Variants in COL4A6 observed in about 807,000 individuals in gnomAD.
The protein encoded by COL4A6 is collagen type IV alpha 6 chain.
A neutral mutation model predicts 126.7 loss-of-function variants in COL4A6; 59 were observed. That is an observed-to-expected ratio of 0.47 (90% CI 0.38 to 0.58). The LOEUF (loss-of-function observed/expected upper bound fraction) is 0.58, where lower values mean the gene tolerates loss of function less well. Ranked by LOEUF, COL4A6 falls within the 20% of genes least tolerant of loss-of-function variation. COL4A6 has a pLI of 0.00. For missense variants in COL4A6, 1,285 were observed against 1,337.3 expected, an observed-to-expected ratio of 0.96 and a Z score of 0.61; for synonymous variants, 547 against 496.6, an observed-to-expected ratio of 1.10 and a Z score of -1.35.
intron 44 of COL4A6, among the ~76,000 whole-genome samples, chrX:108,159,106 C>T (rs2033833691): frequency 9.0e-6 from 1 of 111,332 alleles, no homozygotes; most frequent in African/African-American, 3.3e-5. Flanking sequence ...GAAACTGTGT[C>T]CTGGCCCCAA....
chrX:108,279,571 T>G (rs1173836255), intron 3 of COL4A6, among the ~76,000 whole-genome samples: 1 of 111,420 alleles, frequency 9.0e-6, no homozygotes, highest in Non-Finnish European at 1.9e-5. Context: ...ACTGTCAACA[T>G]TAGACAGATC....
intron 2 of COL4A6, among the ~76,000 whole-genome samples, chrX:108,426,079 A>T (rs1423661355): frequency 9.0e-6 from 1 of 111,653 alleles, no homozygotes; most frequent in African/African-American, 3.3e-5. Context: ...AAAAGACAAT[A>T]TAAATCTCAT....
chrX:108,278,896 T>C (rs2037707664), intron 3 of COL4A6, among the ~76,000 whole-genome samples: 1 of 110,928 alleles, frequency 9.0e-6, no homozygotes, highest in Non-Finnish European at 1.9e-5. Flanking sequence ...CAAACTAAGC[T>C]TCATAAGTGA....
chrX:108,293,929 G>A (rs965203073), intron 3 of COL4A6, among the ~76,000 whole-genome samples: 6 of 112,246 alleles, frequency 5.3e-5, no homozygotes, highest in Non-Finnish European at 9.4e-5. Flanking sequence ...ATCAAAACTC[G>A]CCTTGTGGGC....
intron 4 of COL4A6, among the ~76,000 whole-genome samples, chrX:108,220,286 C>T (rs1450565003): frequency 8.9e-6 from 1 of 112,100 alleles, no homozygotes; most frequent in Non-Finnish European, 1.9e-5. Flanking sequence ...AACTCTGTTC[C>T]CAAGTGCTAT....
chrX:108,200,696 T>C (rs967621859), intron 13 of COL4A6, among the ~76,000 whole-genome samples: 18 of 110,378 alleles, frequency 1.6e-4, no homozygotes, highest in African/African-American at 5.6e-4. Flanking sequence ...GATAGTGGAG[T>C]AGGGTGACTA....
intron 3 of COL4A6, among the ~76,000 whole-genome samples, chrX:108,252,405 CTA>C (rs1375299776): frequency 9.0e-6 from 1 of 111,493 alleles, no homozygotes; most frequent in African/African-American, 3.3e-5. Context: ...TAGATTGATT[CTA>C]TATGTCGGGT....
At chrX:108,177,578 G>A (rs143065090) in intron 27 of COL4A6, among the ~76,000 whole-genome samples, 129 of 112,041 alleles carry the variant, frequency 1.2e-3, no homozygotes, top group Non-Finnish European at 2.0e-3. Flanking sequence ...AACCCACAAG[G>A]CCCATTTGGT....
intron 2 of COL4A6, among the ~76,000 whole-genome samples, chrX:108,317,727 C>G (rs1404523484): frequency 1.8e-5 from 2 of 108,841 alleles, no homozygotes; most frequent in Admixed American, 9.9e-5. Flanking sequence ...TGTCAAAGAT[C>G]AGATAGTTGT....
intron 7 of COL4A6, among the ~76,000 whole-genome samples, chrX:108,210,297 A>G (rs1294420045): frequency 8.9e-6 from 1 of 112,259 alleles, no homozygotes; most frequent in African/African-American, 3.2e-5. Context: ...GTACTTATCA[A>G]TTAGAAACTA....
chrX:108,287,277 A>G (rs1041090296), intron 3 of COL4A6, among the ~76,000 whole-genome samples: 2 of 111,750 alleles, frequency 1.8e-5, no homozygotes, highest in African/African-American at 6.5e-5. Context: ...TGGTTGGTTG[A>G]CTTTTCTCAT....
At chrX:108,362,315 G>A (rs2040105888) in intron 2 of COL4A6, among the ~76,000 whole-genome samples, 1 of 112,030 alleles carries the variant, frequency 8.9e-6, no homozygotes, top group African/African-American at 3.2e-5. Flanking sequence ...TTTAAAAAAA[G>A]GAGTAGGTTA....
intron 28 of COL4A6, among the ~76,000 whole-genome samples, chrX:108,176,594 G>A (rs2034497079): frequency 9.0e-6 from 1 of 111,622 alleles, no homozygotes; most frequent in African/African-American, 3.3e-5. Context: ...CAGTGTGGCT[G>A]GTACTGCCCA....
chrX:108,262,411 T>C (rs1177628824), intron 3 of COL4A6, among the ~76,000 whole-genome samples: 1 of 111,662 alleles, frequency 9.0e-6, no homozygotes, highest in East Asian at 2.8e-4. Context: ...CTGAGAGTAT[T>C]GGAGGGACTT....
Position 108,372,218 on chromosome X carries a change from T to A in COL4A6, c.64-61390A>T, listed in dbSNP as rs1156514. Among the ~76,000 whole-genome samples, 345 of 111,366 alleles carry A rather than the reference T, an allele frequency of 3.1e-3. 1 individual carries two copies. Among genetic ancestry groups the A allele is most frequent in the African/African-American group, 0.011 (327 of 30,620 alleles). On this transcript the variant is annotated intron_variant, in intron 2 of 44. Coordinates refer to ENST00000334504, the MANE Select transcript of COL4A6 (RefSeq NM_033641.4). Reference sequence around the variant, plus strand: ...TTCCCACAGCAGTACCTAGCTCCCTTAATCTCAGTAACTACAATAAATGCA... The same window carrying A: ...TTCCCACAGCAGTACCTAGCTCCCTAAATCTCAGTAACTACAATAAATGCA...
chrX:108,399,811 C>A (rs1277568977), intron 2 of COL4A6, among the ~76,000 whole-genome samples: 1 of 111,619 alleles, frequency 9.0e-6, no homozygotes, highest in Non-Finnish European at 1.9e-5. Flanking sequence ...CCAAAATTCC[C>A]AGCCTACTCT....
chrX:108,323,567 C>T (rs1244245442), intron 2 of COL4A6, among the ~76,000 whole-genome samples: 1 of 111,726 alleles, frequency 9.0e-6, no homozygotes, highest in Admixed American at 9.5e-5. Flanking sequence ...CCTGTCACCC[C>T]CTCTAGTCAT....
intron 2 of COL4A6, among the ~76,000 whole-genome samples, chrX:108,416,405 A>C (rs1892489681): frequency 8.9e-6 from 1 of 112,229 alleles, no homozygotes; most frequent in South Asian, 3.7e-4. Context: ...CTCCAAAACT[A>C]TCTTTTATCT....
chrX:108,395,857 T>C (rs1420575726), intron 2 of COL4A6, among the ~76,000 whole-genome samples: 2 of 111,807 alleles, frequency 1.8e-5, no homozygotes, highest in Non-Finnish European at 3.8e-5. Flanking sequence ...AACCACCTTG[T>C]AGTTTTATGA....
Sources: gnomAD v4.1 joint callset for allele counts (sites outside exome capture counted in the v4.1 genomes callset) on GRCh38, gnomAD v4.1.1 for gene constraint, MANE v1.5 for transcripts, NCBI Gene and HGNC (gene_info 2026-07-23, HGNC 2026-07-21) for gene names.